The following LPCAT1 variants were observed in gnomAD, a reference collection of about 807,000 sequenced individuals.
LPCAT1 encodes the protein 1-acylglycerol-3-phosphate O-acyltransferase.
In LPCAT1, 23 loss-of-function variants were observed where a neutral mutation model predicts 60.9. That is an observed-to-expected ratio of 0.38 (90% CI 0.27 to 0.53). LPCAT1 has a LOEUF of 0.53. Among genes scored for constraint, LPCAT1 ranks in the 20% least tolerant of loss-of-function variants. LPCAT1 has a pLI of 0.82. For synonymous variants in LPCAT1, 340 were observed against 301.1 expected (o/e 1.13, Z -1.34); for missense variants, 622 against 723.6 (o/e 0.86, Z 1.61).
At chr5:1,464,889 G>GCA (rs879742035) in intron 13 of LPCAT1, among the ~76,000 whole-genome samples, 1 of 132,838 alleles carries the variant, frequency 7.5e-6, no homozygotes, top group East Asian at 2.2e-4. Context: ...ACAAACAAGT[G>GCA]CACACACACA....
At chr5:1,468,765 C>G (rs1417968882) in intron 12 of LPCAT1, among the ~76,000 whole-genome samples, 2 of 152,276 alleles carry the variant, frequency 1.3e-5, no homozygotes, top group African/African-American at 2.4e-5. Context: ...TGAGCACCGG[C>G]GTGTGCCTCT....
rs768548574 is a variant in LPCAT1 at position 1,495,108 on chromosome 5, C to T, written c.279-194G>A. 4.6e-5 allele frequency among the ~76,000 whole-genome samples: 7 copies of T among 152,168 alleles called. No individual in the cohort carries two copies. The highest frequency in any genetic ancestry group is 8.8e-5 in the Non-Finnish European group (6 of 68,032). On this transcript the variant is annotated intron_variant, in intron 2 of 13. Transcript: ENST00000283415. The surrounding 1 kb of genome is among the most constrained non-coding windows in gnomAD (Gnocchi z 4.7). ...CCTTCCTGGCCTCCGCCTGTGTCCT[C>T]GCTGGCTGCGCTCTCACCTACGAAG...
chr5:1,485,919 G>A (rs1202336083), intron 5 of LPCAT1, among the ~76,000 whole-genome samples: 4 of 152,238 alleles, frequency 2.6e-5, no homozygotes, highest in Admixed American at 1.3e-4. Context: ...TGGTAGGCCC[G>A]CCTCTGCATC....
At chr5:1,469,146 C>T (rs574636313) in intron 12 of LPCAT1, among the ~76,000 whole-genome samples, 231 of 152,296 alleles carry the variant, frequency 1.5e-3, no homozygotes, top group African/African-American at 5.2e-3. Flanking sequence ...GCCATATCAG[C>T]GGCCTGGAAG....
intron 1 of LPCAT1, among the ~76,000 whole-genome samples, chr5:1,510,423 T>C (rs867008692): frequency 3.7e-4 from 57 of 152,246 alleles, no homozygotes; most frequent in African/African-American, 1.4e-3. Context: ...CCGAGGCTCT[T>C]GCCTGCGAGA....
intron 12 of LPCAT1, among the ~76,000 whole-genome samples, chr5:1,469,055 G>A (rs561936166): frequency 6.6e-5 from 10 of 152,392 alleles, no homozygotes; most frequent in African/African-American, 2.2e-4. Flanking sequence ...GAAGGTGGGA[G>A]GAAGGCAGGG....
At chr5:1,486,477 C>T (rs1026196773) in intron 5 of LPCAT1, among the ~76,000 whole-genome samples, 9 of 152,142 alleles carry the variant, frequency 5.9e-5, no homozygotes, top group Admixed American at 2.6e-4. Flanking sequence ...GGTGCCCAAA[C>T]GGGTGACCCC....
intron 1 of LPCAT1, among the ~76,000 whole-genome samples, chr5:1,514,687 G>T (rs112972379): frequency 4.6e-5 from 7 of 152,340 alleles, no homozygotes; most frequent in African/African-American, 1.7e-4. Flanking sequence ...GGACCTCAGG[G>T]GCTGTGGACC....
chr5:1,468,538 C>T (rs1255287588), intron 12 of LPCAT1, among the ~76,000 whole-genome samples: 1 of 152,170 alleles, frequency 6.6e-6, no homozygotes, highest in Non-Finnish European at 1.5e-5. Context: ...CTTTCATCCT[C>T]GGAGCCTCGT....
At position 1,465,299 on chromosome 5, in the gene LPCAT1, CAT is replaced by C. The variant is rs542727617; in HGVS notation, c.1420+1448_1420+1449del. Among the ~76,000 whole-genome samples, 708 of 143,450 alleles carry C rather than the reference CAT, an allele frequency of 4.9e-3. 11 individuals are homozygous for C. Among genetic ancestry groups the C allele is most frequent in the African/African-American group, 0.016 (595 of 37,916 alleles). 94.1% of individuals were successfully genotyped at this position (143,450 alleles called of 152,430 possible). A position where few individuals can be genotyped will look rare whatever the true frequency, so the allele number is the denominator to read the frequency against. On this transcript the variant is annotated intron_variant, in intron 13 of 13. Transcript: ENST00000283415. ...ACACACACACGCACGGTACTAAACA[CAT>C]GTGCGCGCACACACAAAACAAGCGC...
intron 5 of LPCAT1, among the ~76,000 whole-genome samples, chr5:1,484,928 T>G (rs904682835): frequency 2.0e-5 from 3 of 152,158 alleles, no homozygotes; most frequent in Non-Finnish European, 4.4e-5. Context: ...GACGGGTGGC[T>G]GTGTCAGGGG....
At chr5:1,520,164 G>A (rs2126628613) in intron 1 of LPCAT1, among the ~76,000 whole-genome samples, 1 of 152,392 alleles carries the variant, frequency 6.6e-6, no homozygotes, top group Middle Eastern at 3.4e-3. Context: ...ATCCACGTGA[G>A]GAGCCTGGCA....
At position 1,485,763 on chromosome 5, in the gene LPCAT1, C is replaced by T. The variant is rs561537626; in HGVS notation, c.668-2277G>A. ...CATCCATGTTTGCTCACAGCCCGTG[C>T]AGGGAGGCCGGGGAGAGCCACATCC... On this transcript the variant is annotated intron_variant, in intron 5 of 13. Coordinates refer to ENST00000283415, the MANE Select transcript of LPCAT1 (RefSeq NM_024830.5). 5.9e-5 allele frequency among the ~76,000 whole-genome samples: 9 copies of T among 151,740 alleles called. 1 individual carries two copies. Among genetic ancestry groups the T allele is most frequent in the African/African-American group, 2.2e-4 (9 of 41,184 alleles).
At chr5:1,491,445 C>T (rs1287287548) in intron 3 of LPCAT1, among the ~76,000 whole-genome samples, 1 of 148,590 alleles carries the variant, frequency 6.7e-6, no homozygotes, top group African/African-American at 2.5e-5. Context: ...CGGCAAAGAA[C>T]AGAACAGTGA....
Position 1,522,960 on chromosome 5 carries a change from C to T in LPCAT1, c.135+750G>A, listed in dbSNP as rs1318139105. The stretch of plus-strand genomic sequence containing the variant: ...CCCCGGGTCTCCCCTCACCACTGTC[C>T]CATCGCAGGATCTCAGCAAACCGTT... On this transcript the variant is annotated intron_variant, in intron 1 of 13. Coordinates refer to ENST00000283415, the MANE Select transcript of LPCAT1 (RefSeq NM_024830.5). The surrounding 1 kb of genome is among the most constrained non-coding windows in gnomAD (Gnocchi z 6.8). Among the ~76,000 whole-genome samples the T allele has an allele frequency of 6.6e-6, 1 of 152,184 alleles. No individual in the cohort carries two copies. Among genetic ancestry groups the T allele is most frequent in the Non-Finnish European group, 1.5e-5 (1 of 68,020 alleles).
intron 1 of LPCAT1, among the ~76,000 whole-genome samples, chr5:1,505,258 A>G (rs541452909): frequency 6.6e-6 from 1 of 151,852 alleles, no homozygotes; most frequent in African/African-American, 2.4e-5. Context: ...ATAAAATCAC[A>G]GTAACCCACG....
At chr5:1,497,199 A>T (rs1164992164) in intron 2 of LPCAT1, among the ~76,000 whole-genome samples, 2 of 152,212 alleles carry the variant, frequency 1.3e-5, no homozygotes, top group African/African-American at 2.4e-5. Flanking sequence ...CTCAGAAACC[A>T]AGACTGTCAC....
At position 1,488,429 on chromosome 5, in the gene LPCAT1, G is replaced by C; in HGVS notation, c.629C>G (p.Thr210Ser). ...WPQIMIFPEG[T>S]CTNRTCLITF... is the part of the protein sequence containing the mutation. ...AATTAGGCAGGTCCTGTTTGTACAA[G>C]TTCCTTCTGGAAAAATCATTATCTG... Residue 210 changes from threonine (T) to serine (S), a missense_variant, in exon 5 of 14, where the codon ACT (threonine) becomes AGT (serine). Thr to Ser is a moderately conservative substitution (Grantham distance 58). Around this residue, in one of 3 missense-constraint regions of LPCAT1, gnomAD observed 209 missense variants for 325.5 expected, o/e 0.64. Coordinates refer to ENST00000283415, the MANE Select transcript of LPCAT1 (RefSeq NM_024830.5). The C allele has an allele frequency of 6.2e-7, 1 of 1,601,530 alleles. No homozygotes were observed. Among genetic ancestry groups the C allele is most frequent in the African/African-American group, 1.3e-5 (1 of 74,438 alleles).
chr5:1,504,443 G>A (rs187061272), intron 1 of LPCAT1, among the ~76,000 whole-genome samples: 43 of 152,368 alleles, frequency 2.8e-4, no homozygotes, highest in African/African-American at 9.6e-4. Context: ...TAGGCAGGGC[G>A]TGGTGGCTCA....
Sources: gnomAD v4.1 joint callset for allele counts (sites outside exome capture counted in the v4.1 genomes callset) on GRCh38, gnomAD v4.1.1 for gene constraint, gnomAD v4.1.1 regional missense constraint, Gnocchi (gnomAD v3.1) non-coding constraint, MANE v1.5 for transcripts, NCBI Gene and HGNC (gene_info 2026-07-23, HGNC 2026-07-21) for gene names.